Variants in CPVL observed in about 807,000 individuals in gnomAD.
CPVL encodes probable serine carboxypeptidase CPVL.
Under a neutral mutation model 63.7 loss-of-function variants are expected in CPVL, and 51 were observed. The ratio of observed to expected loss-of-function variants is 0.80; its 90% CI spans 0.64 to 1.01. The LOEUF (loss-of-function observed/expected upper bound fraction) is 1.01. CPVL is among the 50% of genes least tolerant of loss of function. The pLI is 0.00. For missense variants in CPVL, 530 were observed against 573.1 expected, an observed-to-expected ratio of 0.92 and a Z score of 0.77; for synonymous variants, 195 against 206.0, an observed-to-expected ratio of 0.95 and a Z score of 0.46.
intron 5 of CPVL, among the ~76,000 whole-genome samples, chr7:29,180,908 C>T (rs34830418): frequency 0.12 from 18,052 of 152,118 alleles, 1,257 homozygotes; most frequent in African/African-American, 0.18. Flanking sequence ...GAAAAGAGTA[C>T]GTAAGATCAT....
At chr7:29,092,868 C>G (rs1021700418) in intron 5 of CPVL, among the ~76,000 whole-genome samples, 166 bp from the exon 6 acceptor site, 3 of 152,076 alleles carry the variant, frequency 2.0e-5, no homozygotes, top group African/African-American at 7.2e-5. Context: ...CAGGAGGATG[C>G]TAGGTGCCAC....
chr7:29,046,612 G>A (rs530124455), intron 11 of CPVL, among the ~76,000 whole-genome samples: 1 of 151,314 alleles, frequency 6.6e-6, no homozygotes, highest in African/African-American at 2.4e-5. Context: ...CACGGTCTTT[G>A]AAAATACAGC....
chr7:29,130,688 G>C (rs1052163793), intron 1 of CPVL, among the ~76,000 whole-genome samples: 4 of 152,142 alleles, frequency 2.6e-5, no homozygotes, highest in Non-Finnish European at 5.9e-5. Flanking sequence ...GCCATATCTA[G>C]GTGATGTCAA....
chr7:29,021,638 C>T (rs1228989739), intron 12 of CPVL, among the ~76,000 whole-genome samples: 1 of 151,998 alleles, frequency 6.6e-6, no homozygotes, highest in Non-Finnish European at 1.5e-5. Flanking sequence ...ATAATTTTAG[C>T]CACAGGAGAG....
chr7:29,058,966 T>G (rs563568580), intron 11 of CPVL, among the ~76,000 whole-genome samples: 1 of 152,186 alleles, frequency 6.6e-6, no homozygotes, highest in Non-Finnish European at 1.5e-5. Context: ...CTGGGAAAGT[T>G]TGCAATCATT....
intron 1 of CPVL, among the ~76,000 whole-genome samples, chr7:29,189,078 G>A (rs1368352340): frequency 1.3e-5 from 2 of 151,490 alleles, no homozygotes; most frequent in African/African-American, 4.9e-5. Context: ...AGCCTCCCGA[G>A]TAGCTGACAT....
At chr7:29,071,991 T>G (rs1783792819) in intron 8 of CPVL, 87 bp from the exon 9 acceptor site, 2 of 1,538,134 alleles carry the variant, frequency 1.3e-6, no homozygotes, top group African/African-American at 1.4e-5. Context: ...AATAATCCTT[T>G]GTAATTGTTA....
At chr7:29,064,455 A>G in intron 10 of CPVL, among the ~76,000 whole-genome samples, 1 of 152,196 alleles carries the variant, frequency 6.6e-6, no homozygotes, top group Non-Finnish European at 1.5e-5. Context: ...ATACTCTTAA[A>G]ATACCCAATT....
intron 3 of CPVL, among the ~76,000 whole-genome samples, chr7:29,111,108 G>A (rs1396806492): frequency 2.6e-5 from 4 of 152,224 alleles, no homozygotes; most frequent in African/African-American, 9.7e-5. Context: ...TAAAATGTGC[G>A]TTGTTTTAAG....
At chr7:29,071,401 G>C (rs947700427) in intron 9 of CPVL, among the ~76,000 whole-genome samples, 6 of 152,176 alleles carry the variant, frequency 3.9e-5, no homozygotes, top group African/African-American at 1.4e-4. Context: ...CTTCTACATG[G>C]TTTAGAGCAG....
At chr7:29,043,679 G>T (rs1789342723) in intron 11 of CPVL, among the ~76,000 whole-genome samples, 1 of 152,124 alleles carries the variant, frequency 6.6e-6, no homozygotes, top group East Asian at 1.9e-4. Flanking sequence ...CAAGACTTGG[G>T]AACAATGATA....
At chr7:29,022,080 C>T (rs1787048625) in intron 12 of CPVL, among the ~76,000 whole-genome samples, 1 of 152,166 alleles carries the variant, frequency 6.6e-6, no homozygotes, top group Admixed American at 6.5e-5. Flanking sequence ...GCTGTTGCCA[C>T]TGACAGCAAA....
chr7:29,119,202 C>T (rs1156653628), intron 2 of CPVL, among the ~76,000 whole-genome samples: 1 of 152,192 alleles, frequency 6.6e-6, no homozygotes, highest in East Asian at 1.9e-4. Context: ...AGAGCAGATA[C>T]AGGGCCGGGG....
chr7:29,131,836 T>A (rs1255540478), intron 1 of CPVL, among the ~76,000 whole-genome samples: 4 of 152,158 alleles, frequency 2.6e-5, no homozygotes, highest in Admixed American at 2.6e-4. Context: ...TGAAAGGAGT[T>A]AGTGTAGCAC....
At chr7:29,152,842 G>A (rs985860754) in intron 5 of CPVL, among the ~76,000 whole-genome samples, 2 of 152,158 alleles carry the variant, frequency 1.3e-5, no homozygotes, top group African/African-American at 2.4e-5. Context: ...CTTGTTATTC[G>A]TGGATTCCAT....
chr7:29,139,748 GA>G (rs1277201206), intron 1 of CPVL, among the ~76,000 whole-genome samples: 4 of 152,118 alleles, frequency 2.6e-5, no homozygotes, highest in Non-Finnish European at 4.4e-5. Context: ...TGCCAGCTCA[GA>G]AATCTCCTGT....
chr7:29,174,793 G>A (rs1180713967), intron 5 of CPVL, among the ~76,000 whole-genome samples: 1 of 151,648 alleles, frequency 6.6e-6, no homozygotes. Flanking sequence ...CCAAGAGGTG[G>A]AGGTTGCAGT....
chr7:29,070,756 A>G (rs1464824740), intron 9 of CPVL, among the ~76,000 whole-genome samples: 1 of 152,210 alleles, frequency 6.6e-6, no homozygotes, highest in Non-Finnish European at 1.5e-5. Context: ...AAGGGCGGTC[A>G]CTGCCTTGGG....
At chr7:29,029,735 G>C (rs191766951) in intron 12 of CPVL, among the ~76,000 whole-genome samples, 5 of 152,232 alleles carry the variant, frequency 3.3e-5, no homozygotes, top group Admixed American at 1.3e-4. Flanking sequence ...GTGTTCAATA[G>C]CACAGTAGGG....
Sources: gnomAD v4.1 joint callset for allele counts (sites outside exome capture counted in the v4.1 genomes callset) on GRCh38, gnomAD v4.1.1 for gene constraint, MANE v1.5 for transcripts, NCBI Gene and HGNC (gene_info 2026-07-23, HGNC 2026-07-21) for gene names.